Variants in BRSK2 observed in about 807,000 individuals in gnomAD.
BRSK2 encodes serine/threonine-protein kinase BRSK2.
Under a neutral mutation model 83.3 loss-of-function variants are expected in BRSK2, and 19 were observed. The ratio of observed to expected loss-of-function variants is 0.23; its 90% CI spans 0.16 to 0.33. The LOEUF (loss-of-function observed/expected upper bound fraction) is 0.33. BRSK2 is among the 10% of genes least tolerant of loss of function. The probability of loss-of-function intolerance (pLI) is 1.00; values close to 1 mark genes in which losing one functional copy is unlikely to be tolerated. For synonymous variants in BRSK2, 519 were observed against 435.4 expected, an observed-to-expected ratio of 1.19 and a Z score of -2.39; for missense variants, 798 against 1,042.3, an observed-to-expected ratio of 0.77 and a Z score of 3.23.
chr11:1,443,072 G>C, intron 5 of BRSK2, 34 bp from the exon 6 acceptor site: 1 of 1,525,806 alleles, frequency 6.6e-7, no homozygotes, highest in Non-Finnish European at 8.8e-7. Flanking sequence ...GCAGCGCCCG[G>C]AGCCCCGCCG....
chr11:1,450,250 G>A (rs1365303567), intron 13 of BRSK2, among the ~76,000 whole-genome samples: 2 of 131,386 alleles, frequency 1.5e-5, no homozygotes, highest in Admixed American at 1.5e-4. Context: ...TGCCCCCACC[G>A]CCCCCCGAGC....
chr11:1,395,606 C>G (rs992922410), intron 1 of BRSK2, among the ~76,000 whole-genome samples: 3 of 152,338 alleles, frequency 2.0e-5, no homozygotes, highest in African/African-American at 4.8e-5. Flanking sequence ...TGTCCCCACC[C>G]ACTGTGGCCC....
At chr11:1,407,973 C>G (rs1847022054) in intron 1 of BRSK2, among the ~76,000 whole-genome samples, 1 of 152,240 alleles carries the variant, frequency 6.6e-6, no homozygotes, top group Admixed American at 6.5e-5. Flanking sequence ...CCCACCTGCC[C>G]TGCAGCTAGA....
At chr11:1,427,298 C>T (rs373295932) in intron 1 of BRSK2, among the ~76,000 whole-genome samples, 36 of 152,184 alleles carry the variant, frequency 2.4e-4, no homozygotes, top group African/African-American at 7.7e-4. Context: ...CTGCCTCGCC[C>T]GGCCCAGGCA....
intron 18 of BRSK2, 127 bp from the exon 19 acceptor site, chr11:1,459,065 C>T (rs1847041808): frequency 2.3e-6 from 2 of 876,934 alleles, no homozygotes; most frequent in Non-Finnish European, 3.7e-6. Context: ...ATTCCCCACC[C>T]ATGCCTCTGG....
chr11:1,429,265 GT>G (rs768756569), intron 1 of BRSK2, among the ~76,000 whole-genome samples: 3 of 108,762 alleles, frequency 2.8e-5, no homozygotes, highest in Non-Finnish European at 5.0e-5. Flanking sequence ...GCACAGGTGT[GT>G]GTGCACTCGT....
At chr11:1,400,682 A>C (rs1008542569) in intron 1 of BRSK2, among the ~76,000 whole-genome samples, 4 of 151,900 alleles carry the variant, frequency 2.6e-5, no homozygotes, top group African/African-American at 9.7e-5. Flanking sequence ...ACATGGGAGG[A>C]ATGGGCCCCT....
At chr11:1,418,567 G>A (rs1848342900) in intron 1 of BRSK2, among the ~76,000 whole-genome samples, 1 of 151,816 alleles carries the variant, frequency 6.6e-6, no homozygotes, top group African/African-American at 2.4e-5. Flanking sequence ...TCTTGAGAGT[G>A]GGTCACCTGT....
intron 18 of BRSK2, among the ~76,000 whole-genome samples, chr11:1,457,602 G>A (rs1323577525): frequency 6.6e-6 from 1 of 152,140 alleles, no homozygotes; most frequent in Non-Finnish European, 1.5e-5. Context: ...ACGCTGGTAC[G>A]GCGTGGGGGC....
intron 1 of BRSK2, among the ~76,000 whole-genome samples, chr11:1,433,336 C>T (rs1275570433): frequency 5.9e-5 from 9 of 152,256 alleles, no homozygotes; most frequent in African/African-American, 2.2e-4. Flanking sequence ...CCTGCACCCT[C>T]ATGATGCCCT....
intron 5 of BRSK2, 76 bp downstream of exon 5, chr11:1,442,682 G>T (rs2133088341): frequency 7.9e-7 from 1 of 1,262,228 alleles, no homozygotes; most frequent in Non-Finnish European, 1.1e-6. Flanking sequence ...GGACTGAGAG[G>T]CCCCCAGCCT....
Position 1,445,471 on chromosome 11 carries a change from C to T in BRSK2, c.977+13C>T, listed in dbSNP as rs369992403. The T allele has an allele frequency of 4.8e-5, 77 of 1,611,110 alleles. No homozygotes were observed. The highest frequency in any genetic ancestry group is 6.2e-5 in the Non-Finnish European group (73 of 1,179,458). ...TGCTGTCCGAGGAGTGCGTCTGGGGCTGCTCCCGGGTGGGGCACGGGGCCT... is the reference window on the plus strand; with the variant it reads ...TGCTGTCCGAGGAGTGCGTCTGGGGTTGCTCCCGGGTGGGGCACGGGGCCT... On this transcript the variant is annotated intron_variant, in intron 10 of 19. Transcript: ENST00000528841.
chr11:1,398,737 G>T (rs898654465), intron 1 of BRSK2, among the ~76,000 whole-genome samples: 14 of 152,138 alleles, frequency 9.2e-5, no homozygotes, highest in Admixed American at 6.5e-4. Flanking sequence ...TTTCCCCAGG[G>T]TTAGGCTGCA....
chr11:1,419,839 G>A (rs1160902959), intron 1 of BRSK2, among the ~76,000 whole-genome samples: 5 of 152,256 alleles, frequency 3.3e-5, no homozygotes, highest in Admixed American at 6.5e-5. Flanking sequence ...CTTGAACCTG[G>A]GAGGCAGAGA....
At chr11:1,449,916 C>A in intron 13 of BRSK2, 80 bp downstream of exon 13, 1 of 1,128,978 alleles carries the variant, frequency 8.9e-7, no homozygotes, top group African/African-American at 1.5e-5. Context: ...AGGGTGGGGG[C>A]AGCCTCGCGG....
intron 14 of BRSK2, 40 bp downstream of exon 14, chr11:1,450,834 A>G: frequency 6.5e-7 from 1 of 1,538,154 alleles, no homozygotes; most frequent in Non-Finnish European, 8.7e-7. Flanking sequence ...GGGCTGGGAG[A>G]GAGCAGAGGC....
At chr11:1,399,472 C>T (rs151232434) in intron 1 of BRSK2, among the ~76,000 whole-genome samples, 24 of 152,238 alleles carry the variant, frequency 1.6e-4, no homozygotes, top group South Asian at 4.1e-4. Context: ...TTCCCCCAGC[C>T]GATGGGATTT....
intron 1 of BRSK2, among the ~76,000 whole-genome samples, chr11:1,402,313 G>A (rs565595067): frequency 1.5e-4 from 23 of 152,360 alleles, no homozygotes; most frequent in Non-Finnish European, 2.4e-4. Context: ...ACTCCTCCAA[G>A]TCACCTTGTT....
chr11:1,403,257 C>T (rs1490395163), intron 1 of BRSK2, among the ~76,000 whole-genome samples: 3 of 152,192 alleles, frequency 2.0e-5, no homozygotes, highest in African/African-American at 7.2e-5. Context: ...CTGGAGGGAA[C>T]GTGGCAGTTG....
Sources: gnomAD v4.1 joint callset for allele counts (sites outside exome capture counted in the v4.1 genomes callset) on GRCh38, gnomAD v4.1.1 for gene constraint, MANE v1.5 for transcripts, NCBI Gene and HGNC (gene_info 2026-07-23, HGNC 2026-07-21) for gene names.